Variants in NRXN3 observed in about 807,000 individuals in gnomAD.
The protein encoded by NRXN3 is neurexin III.
Under a neutral mutation model 137.6 loss-of-function variants are expected in NRXN3, and 32 were observed. The ratio of observed to expected loss-of-function variants is 0.23; its 90% confidence interval spans 0.18 to 0.31. The LOEUF (loss-of-function observed/expected upper bound fraction) is 0.31, where lower values mean the gene tolerates loss of function less well. Ranked by LOEUF, NRXN3 falls within the 10% of genes least tolerant of loss-of-function variation. The probability of loss-of-function intolerance (pLI) is 1.00; values close to 1 mark genes in which losing one functional copy is unlikely to be tolerated. For missense variants in NRXN3, 1,574 were observed against 2,062.5 expected (o/e 0.76, Z 4.59); for synonymous variants, 798 against 784.5 (o/e 1.02, Z -0.29).
chr14:79,377,501 C>T (rs1225439106), intron 15 of NRXN3, among the ~76,000 whole-genome samples: 1 of 152,092 alleles, frequency 6.6e-6, no homozygotes, highest in East Asian at 1.9e-4. Flanking sequence ...TGCCTGTAAT[C>T]CTAGCACTTT....
At chr14:78,729,497 A>T (rs1057119948) in intron 8 of NRXN3, among the ~76,000 whole-genome samples, 1 of 152,192 alleles carries the variant, frequency 6.6e-6, no homozygotes, top group South Asian at 2.1e-4. Flanking sequence ...CAGGATTGAG[A>T]AAAGCAGTCA....
chr14:79,005,173 G>T (rs930968844), intron 15 of NRXN3, among the ~76,000 whole-genome samples: 9 of 152,140 alleles, frequency 5.9e-5, no homozygotes, highest in African/African-American at 2.2e-4. Flanking sequence ...GGAGTTTCTA[G>T]TCTAGAATAC....
chr14:78,723,427 T>C (rs1304446012), intron 8 of NRXN3, among the ~76,000 whole-genome samples: 1 of 152,256 alleles, frequency 6.6e-6, no homozygotes, highest in Non-Finnish European at 1.5e-5. Context: ...AGCAAGGGTT[T>C]GGCCATGGAA....
At chr14:79,048,250 T>C (rs2099635987) in intron 15 of NRXN3, among the ~76,000 whole-genome samples, 1 of 152,138 alleles carries the variant, frequency 6.6e-6, no homozygotes, top group Non-Finnish European at 1.5e-5. Context: ...CAATACTAAT[T>C]GCCTATGAGT....
chr14:79,850,708 T>A (rs1208323130), intron 20 of NRXN3, among the ~76,000 whole-genome samples: 1 of 152,068 alleles, frequency 6.6e-6, no homozygotes, highest in African/African-American at 2.4e-5. Flanking sequence ...AGCCATGAAA[T>A]CAGGCAGTTA....
intron 3 of NRXN3, among the ~76,000 whole-genome samples, chr14:78,285,425 T>A (rs1323493142): frequency 1.3e-5 from 2 of 152,142 alleles, no homozygotes; most frequent in East Asian, 3.9e-4. Context: ...AGGAGGTAAA[T>A]TGCTATTTGG....
intron 10 of NRXN3, among the ~76,000 whole-genome samples, chr14:78,873,486 C>A (rs2099106260): frequency 1.3e-5 from 2 of 152,098 alleles, no homozygotes; most frequent in Non-Finnish European, 1.5e-5. Flanking sequence ...ATAAAAATAG[C>A]AGACATGAGT....
chr14:79,306,240 C>T (rs1467949127), intron 15 of NRXN3, among the ~76,000 whole-genome samples: 1 of 152,066 alleles, frequency 6.6e-6, no homozygotes, highest in African/African-American at 2.4e-5. Context: ...CAAGACATCA[C>T]AGCCACACTA....
At chr14:79,247,588 A>G (rs181737324) in intron 15 of NRXN3, among the ~76,000 whole-genome samples, 55 of 152,260 alleles carry the variant, frequency 3.6e-4, no homozygotes, top group Admixed American at 3.1e-3. Context: ...CATTTCAAAA[A>G]TAAATATTTT....
At chr14:78,221,736 T>C (rs2063874217) in intron 1 of NRXN3, among the ~76,000 whole-genome samples, 1 of 152,270 alleles carries the variant, frequency 6.6e-6, no homozygotes, top group African/African-American at 2.4e-5. Flanking sequence ...GTGGCTGGAA[T>C]AGCTCTGGTC....
intron 15 of NRXN3, among the ~76,000 whole-genome samples, chr14:79,136,474 C>T (rs1210537137): frequency 2.0e-5 from 3 of 152,194 alleles, no homozygotes; most frequent in Admixed American, 2.0e-4. Flanking sequence ...TTGTTCTTCT[C>T]CTCTACTTCT....
intron 10 of NRXN3, among the ~76,000 whole-genome samples, chr14:78,843,623 G>C (rs764532276): frequency 6.6e-6 from 1 of 152,140 alleles, no homozygotes; most frequent in Non-Finnish European, 1.5e-5. Context: ...GATTCAATGA[G>C]AGCAGCAAAG....
At chr14:78,455,558 G>A (rs138229416) in intron 4 of NRXN3, among the ~76,000 whole-genome samples, 190 of 152,226 alleles carry the variant, frequency 1.2e-3, no homozygotes, top group African/African-American at 4.2e-3. Context: ...GTTCCACTCC[G>A]AGTTCTTAAT....
chr14:78,860,285 AG>A (rs371182567), intron 10 of NRXN3, among the ~76,000 whole-genome samples: 15 of 152,256 alleles, frequency 9.9e-5, no homozygotes, highest in African/African-American at 2.9e-4. Flanking sequence ...ACGGAGAGTG[AG>A]GCTTGATGGG....
chr14:79,686,574 T>C (rs1434487044), intron 17 of NRXN3, among the ~76,000 whole-genome samples: 1 of 152,102 alleles, frequency 6.6e-6, no homozygotes, highest in Non-Finnish European at 1.5e-5. Context: ...GATAAAACCA[T>C]GCAATATAGA....
At chr14:79,244,217 C>T (rs1277791954) in intron 15 of NRXN3, among the ~76,000 whole-genome samples, 1 of 152,116 alleles carries the variant, frequency 6.6e-6, no homozygotes, top group African/African-American at 2.4e-5. Flanking sequence ...GCATACTCCT[C>T]CAATGTGGTA....
chr14:79,385,216 C>CCACCCCCCCCCA (rs1184863264), intron 15 of NRXN3, among the ~76,000 whole-genome samples: 1 of 127,084 alleles, frequency 7.9e-6, no homozygotes, highest in Non-Finnish European at 1.7e-5. Context: ...CCCCCGCCCC[C>CCACCCCCCCCCA]ACCCCACCAC....
At chr14:78,898,554 CGTGTGTGTGTGTGTGTGTGTGTGT>C (rs66861661) in intron 10 of NRXN3, among the ~76,000 whole-genome samples, 99 of 136,344 alleles carry the variant, frequency 7.3e-4, no homozygotes, top group African/African-American at 1.6e-3. Flanking sequence ...AGCTGGGTTT[CGTGTGTGTGTGTGTGTGTGTGTGT>C]GTGTGTGTGT....
At chr14:78,536,333 G>A (rs1482986641) in intron 4 of NRXN3, among the ~76,000 whole-genome samples, 13 of 152,090 alleles carry the variant, frequency 8.5e-5, no homozygotes, top group Admixed American at 4.6e-4. Context: ...CTCTTGCCCC[G>A]TCTGTAGGTC....
Sources: allele counts gnomAD v4.1 joint callset (sites outside exome capture counted in the v4.1 genomes callset), GRCh38; gene constraint gnomAD v4.1.1; transcripts MANE v1.5; gene names NCBI Gene and HGNC (gene_info 2026-07-23, HGNC 2026-07-21).